Variants in CAMLG observed in about 807,000 individuals in gnomAD.
CAMLG encodes the protein guided entry of tail-anchored proteins factor CAMLG.
In CAMLG, 23 loss-of-function variants were observed where a neutral mutation model predicts 28.9. The observed-to-expected ratio is 0.80, with a 90% confidence interval of 0.57 to 1.13. CAMLG has a LOEUF of 1.13. Ranked by LOEUF, CAMLG falls within the 50% of genes most tolerant of loss-of-function variation. The pLI is 0.00. For synonymous variants in CAMLG, 141 were observed against 146.5 expected, an observed-to-expected ratio of 0.96 and a Z score of 0.27; for missense variants, 367 against 371.9, an observed-to-expected ratio of 0.99 and a Z score of 0.11.
chr5:134,741,870 C>T (rs775029363), intron 2 of CAMLG, among the ~76,000 whole-genome samples: 3 of 152,116 alleles, frequency 2.0e-5, no homozygotes, highest in Non-Finnish European at 2.9e-5. Flanking sequence ...CGCTTGAACC[C>T]GGGAGGTGGA....
At position 134,751,109 on chromosome 5, in the gene CAMLG, T is replaced by C; in HGVS notation, c.*159T>C. 6 of 546,740 alleles carry C rather than the reference T, an allele frequency of 1.1e-5. No homozygotes were observed. The South Asian group carries it at 1.5e-4, about 13-fold the overall frequency. The allele number at this position is 546,740 out of a possible 1,614,324, so 33.9% of individuals were successfully genotyped here. Reference sequence around the variant, plus strand: ...ATTAGATATAGAATGGCAGATTCTCTGATTTAAAAGGGCTGAGTTTGTATT... The same window carrying C: ...ATTAGATATAGAATGGCAGATTCTCCGATTTAAAAGGGCTGAGTTTGTATT... On this transcript the variant is annotated 3_prime_UTR_variant, in exon 4 of 4. Coordinates refer to ENST00000297156, the MANE Select transcript of CAMLG (RefSeq NM_001745.4).
rs1053133392 is a variant in CAMLG at position 134,741,488 on chromosome 5, G to C, written c.598G>C (p.Ala200Pro). ...TAGATTGGTGGGATGTGCTCTTCTTGCTCTTGGAGTCAGAGCTTTTGTTTG... is the reference window on the plus strand; with the variant it reads ...TAGATTGGTGGGATGTGCTCTTCTTCCTCTTGGAGTCAGAGCTTTTGTTTG... ...IFRLVGCALL[A>P]LGVRAFVCKY... The change falls in exon 2 of 4, where the codon GCT (alanine) becomes CCT (proline). Residue 200 changes from alanine to proline, a missense_variant. Coordinates refer to ENST00000297156, the MANE Select transcript of CAMLG (RefSeq NM_001745.4). 6.2e-7 allele frequency: 1 copy of C among 1,612,080 alleles called. No homozygotes were observed. The highest frequency in any genetic ancestry group is 1.3e-5 in the African/African-American group (1 of 74,854).
chr5:134,744,506 G>A (rs1296028612), intron 3 of CAMLG, among the ~76,000 whole-genome samples: 3 of 137,390 alleles, frequency 2.2e-5, no homozygotes, highest in African/African-American at 8.4e-5. Context: ...CAGTCTGGGT[G>A]ACAGAGTGAG....
At chr5:134,745,386 A>C (rs1446146946) in intron 3 of CAMLG, among the ~76,000 whole-genome samples, 1 of 145,346 alleles carries the variant, frequency 6.9e-6, no homozygotes, top group Non-Finnish European at 1.5e-5. Flanking sequence ...CAGTGAGCCG[A>C]GATTGCGCCA....
intron 1 of CAMLG, 113 bp downstream of exon 1, chr5:134,738,905 G>C (rs749233599): frequency 8.6e-6 from 9 of 1,044,254 alleles, no homozygotes; most frequent in Non-Finnish European, 1.3e-5. Context: ...CTTGCTCTTT[G>C]ATTTCCTCTC....
Position 134,741,235 on chromosome 5 carries a change from C to G in CAMLG, c.345C>G (p.Asp115Glu). Residue 115 changes from aspartate (D) to glutamate (E), a missense_variant, in exon 2 of 4, where the codon GAC (aspartate) becomes GAG (glutamate). Coordinates refer to ENST00000297156, the MANE Select transcript of CAMLG (RefSeq NM_001745.4). The stretch of plus-strand genomic sequence containing the variant: ...GGACCCAACTGGGAGACAAATTGGA[C>G]TCGTTCATTAAACCACCTGAGTGCA... Reference protein sequence around the residue: ...VKGTQLGDKLDSFIKPPECSS... With the variant: ...VKGTQLGDKLESFIKPPECSS... 1 of 1,614,204 alleles carries G rather than the reference C, an allele frequency of 6.2e-7. No individual in the cohort carries two copies. The highest frequency in any genetic ancestry group is 1.1e-5 in the South Asian group (1 of 91,084).
chr5:134,744,442 C>T (rs1167440284), intron 3 of CAMLG, among the ~76,000 whole-genome samples: 3 of 151,012 alleles, frequency 2.0e-5, no homozygotes, highest in African/African-American at 7.3e-5. Flanking sequence ...GAGAGTTGCT[C>T]CAACCCAGGA....
chr5:134,739,211 T>A (rs1374409701), intron 1 of CAMLG, among the ~76,000 whole-genome samples: 1 of 152,198 alleles, frequency 6.6e-6, no homozygotes, highest in Non-Finnish European at 1.5e-5. Context: ...TTCTCTAGCG[T>A]CTACCTTCTT....
chr5:134,741,006 G>A (rs1480939415), intron 1 of CAMLG, 57 bp from the exon 2 acceptor site: 1 of 1,145,688 alleles, frequency 8.7e-7, no homozygotes. Context: ...ACATAAACAT[G>A]TAAGGTGTTT....
intron 1 of CAMLG, among the ~76,000 whole-genome samples, chr5:134,740,485 C>T (rs1752968895): frequency 6.6e-6 from 1 of 152,150 alleles, no homozygotes; most frequent in African/African-American, 2.4e-5. Flanking sequence ...AATATCTTTC[C>T]CAGTTTGTCT....
At chr5:134,750,616 TG>T (rs1580758317) in intron 3 of CAMLG, 142 bp from the exon 4 acceptor site, 1 of 578,520 alleles carries the variant, frequency 1.7e-6, no homozygotes, top group East Asian at 2.8e-5. Context: ...CAGTAAATGT[TG>T]GTATCTTACT....
chr5:134,743,521 G>C (rs1753007700), intron 2 of CAMLG, among the ~76,000 whole-genome samples: 1 of 151,876 alleles, frequency 6.6e-6, no homozygotes, highest in Non-Finnish European at 1.5e-5. Flanking sequence ...AGTGAGCTGA[G>C]ATTGAGCCAC....
intron 2 of CAMLG, among the ~76,000 whole-genome samples, chr5:134,742,612 G>A (rs1752998657): frequency 1.3e-5 from 2 of 152,138 alleles, no homozygotes; most frequent in African/African-American, 2.4e-5. Context: ...ATTAAAGAAT[G>A]CAGAAAAGCA....
At chr5:134,740,894 C>T (rs1752974254) in intron 1 of CAMLG, among the ~76,000 whole-genome samples, 169 bp from the exon 2 acceptor site, 3 of 152,230 alleles carry the variant, frequency 2.0e-5, no homozygotes, top group Admixed American at 2.0e-4. Flanking sequence ...AGGCGTGAGC[C>T]ACGGCACCTG....
In CAMLG at chr5:134,739,521, C is replaced by G. The variant is rs146329121; in HGVS notation, c.172+729C>G. Among the ~76,000 whole-genome samples the G allele has an allele frequency of 4.9e-3, 744 of 152,324 alleles. 8 individuals are homozygous for G. Among genetic ancestry groups the G allele is most frequent in the African/African-American group, 0.017 (693 of 41,568 alleles). On this transcript the variant is annotated intron_variant, in intron 1 of 3. Coordinates refer to ENST00000297156, the MANE Select transcript of CAMLG (RefSeq NM_001745.4). Reference sequence around the variant, plus strand: ...TAAGGAGAGCGCCTCCTTCCTCCCCCAAACACATGTCCAATGATTTTCTTT... The same window carrying G: ...TAAGGAGAGCGCCTCCTTCCTCCCCGAAACACATGTCCAATGATTTTCTTT...
In CAMLG at chr5:134,751,766, C is replaced by T. The variant is rs1214131498; in HGVS notation, c.*816C>T. Reference sequence around the variant, plus strand: ...CGCCATCTCGGCTCACCGCAACCTCCACCTTCCTGGTTCAAGGGATTCTCC... The same window carrying T: ...CGCCATCTCGGCTCACCGCAACCTCTACCTTCCTGGTTCAAGGGATTCTCC... On this transcript the variant is annotated 3_prime_UTR_variant, in exon 4 of 4. Transcript: ENST00000297156. The T allele has an allele frequency of 1.3e-5, 2 of 152,326 alleles. No individual in the cohort carries two copies. Among genetic ancestry groups the T allele is most frequent in the African/African-American group, 4.8e-5 (2 of 41,454 alleles). The allele number at this position is 152,326 out of a possible 1,614,324, so 9.4% of individuals were successfully genotyped here.
intron 3 of CAMLG, among the ~76,000 whole-genome samples, chr5:134,744,298 T>C (rs899419171): frequency 2.0e-5 from 3 of 152,024 alleles, no homozygotes; most frequent in Admixed American, 2.0e-4. Context: ...CTGAGGTGGG[T>C]GGATCACCTG....
chr5:134,743,652 G>GAC (rs547146672), intron 2 of CAMLG, among the ~76,000 whole-genome samples: 106 of 151,970 alleles, frequency 7.0e-4, no homozygotes, highest in African/African-American at 2.4e-3. Context: ...TGGATCACGA[G>GAC]GTCAGGAGTT....
At chr5:134,745,283 A>G (rs895428730) in intron 3 of CAMLG, among the ~76,000 whole-genome samples, 6 of 151,818 alleles carry the variant, frequency 4.0e-5, no homozygotes, top group Non-Finnish European at 7.4e-5. Context: ...TAAAAATACA[A>G]AAGTTAGCCG....
Sources: gnomAD v4.1 joint callset for allele counts (sites outside exome capture counted in the v4.1 genomes callset) on GRCh38, gnomAD v4.1.1 for gene constraint, MANE v1.5 for transcripts, NCBI Gene and HGNC (gene_info 2026-07-23, HGNC 2026-07-21) for gene names.